Variants in TRANK1 observed in about 807,000 individuals in gnomAD.
The protein encoded by TRANK1 is TPR and ankyrin repeat-containing protein 1.
A neutral mutation model predicts 266.0 loss-of-function variants in TRANK1; 198 were observed. The ratio of observed to expected loss-of-function variants is 0.74; its 90% CI spans 0.66 to 0.84. The LOEUF is 0.84. Among genes scored for constraint, TRANK1 ranks in the 40% least tolerant of loss-of-function variants. The pLI is 0.00. For synonymous variants in TRANK1, 1,396 were observed against 1,384.1 expected (o/e 1.01, Z -0.19); for missense variants, 3,326 against 3,634.6 (o/e 0.92, Z 2.18).
chr3:36,889,689 C>T (rs1227530922), intron 8 of TRANK1, 140 bp downstream of exon 8: 8 of 1,188,244 alleles, frequency 6.7e-6, no homozygotes, highest in South Asian at 3.8e-5. Context: ...CCACCAAAAT[C>T]AAGTTTAGTT....
chr3:36,924,636 A>C (rs1194817643), intron 1 of TRANK1, among the ~76,000 whole-genome samples: 2 of 152,230 alleles, frequency 1.3e-5, no homozygotes, highest in East Asian at 3.8e-4. Context: ...AGAAAGACGC[A>C]GAGACAAAAA....
intron 9 of TRANK1, 22 bp downstream of exon 9, chr3:36,874,104 G>T (rs1203840055): frequency 2.6e-6 from 4 of 1,528,074 alleles, no homozygotes; most frequent in East Asian, 2.4e-5. Context: ...CCCCCCAAAA[G>T]TTAATACACT....
chr3:36,874,267 G>A lies in TRANK1; in HGVS notation c.937C>T (p.Arg313Cys), dbSNP rs577486907. 66 of 1,537,092 alleles carry A rather than the reference G, an allele frequency of 4.3e-5. 1 individual carries two copies. The Admixed American group carries it at 7.3e-4, about 17-fold the overall frequency. The change falls in exon 9 of 24, where the codon CGC becomes TGC. Residue 313 changes from arginine to cysteine, a missense_variant. Arg to Cys is a radical substitution (Grantham distance 180). Transcript: ENST00000645898. ...RQTEDVQMLLRFGADPTLLDR... is the reference protein window; with the variant it reads ...RQTEDVQMLLCFGADPTLLDR... ...AGCAAAGTGGGATCTGCCCCAAAGC[G>A]CAGGAGCATCTGCACATCCTCTGTT...
chr3:36,831,661 T>C lies in TRANK1; in HGVS notation c.7922A>G (p.Glu2641Gly). 1.2e-6 allele frequency: 2 copies of C among 1,613,934 alleles called. No homozygotes were observed. The highest frequency in any genetic ancestry group is 1.7e-5 in the Admixed American group (1 of 60,022). ...LQDLLFERDE[E>G]YLMDCDWRWD... is the part of the protein sequence containing the mutation. ...CCGCCAGTCACAGTCCATTAGGTAC[T>C]CTTCATCCCGCTCAAAGAGCAGGTC... is the stretch of plus-strand genomic sequence containing the variant. The change falls in exon 22 of 24, where the codon GAG (glutamate) becomes GGG (glycine). Residue 2641 changes from glutamate to glycine, a missense_variant. Physicochemically the swap from Glu to Gly is moderately conservative, Grantham distance 98 (BLOSUM62 -2). Coordinates refer to ENST00000645898, the MANE Select transcript of TRANK1 (RefSeq NM_001329998.2). The surrounding 1 kb of genome is among the most constrained non-coding windows in gnomAD (Gnocchi z 5.0).
At position 36,846,167 on chromosome 3, in the gene TRANK1, C is replaced by T. The variant is rs2078911226; in HGVS notation, c.5191+81G>A. The stretch of plus-strand genomic sequence containing the variant: ...GAAAGAAAGCACTTTCAAAATACCA[C>T]ACCTTTTATTCCTGACCATAAGAAC... On this transcript the variant is annotated intron_variant, in intron 17 of 23. Transcript: ENST00000645898. 3 of 1,337,838 alleles carry T rather than the reference C, an allele frequency of 2.2e-6. No individual in the cohort carries two copies. The African/African-American group carries it at 4.5e-5, about 20-fold the overall frequency. 82.9% of individuals were successfully genotyped at this position (1,337,838 alleles called of 1,614,324 possible).
chr3:36,880,976 T>A (rs561461019), intron 8 of TRANK1, among the ~76,000 whole-genome samples: 1 of 147,736 alleles, frequency 6.8e-6, no homozygotes, highest in African/African-American at 2.5e-5. Context: ...GAGCCACTAT[T>A]CACTGCCTCT....
At chr3:36,935,603 A>C (rs2080415323) in intron 1 of TRANK1, among the ~76,000 whole-genome samples, 1 of 151,616 alleles carries the variant, frequency 6.6e-6, no homozygotes, top group African/African-American at 2.4e-5. Flanking sequence ...GGCACATGTC[A>C]CCACACTCAG....
Position 36,855,674 on chromosome 3 carries a change from T to C in TRANK1, c.4048A>G (p.Ile1350Val), listed in dbSNP as rs775801526. Residue 1350 changes from isoleucine to valine, a missense_variant, in exon 13 of 24, where the codon ATA becomes GTA. Coordinates refer to ENST00000645898, the MANE Select transcript of TRANK1 (RefSeq NM_001329998.2). The part of the protein sequence containing the change: ...AYNPALIWKE[I>V]KSFLKGSFEA... ...AAAGAACCCTTTAGAAAAGATTTTA[T>C]TTCTTTCCAAATCAGTGCAGGGTTG... The C allele has an allele frequency of 6.2e-7, 1 of 1,613,876 alleles. No individual in the cohort carries two copies. Among genetic ancestry groups the C allele is most frequent in the Non-Finnish European group, 8.5e-7 (1 of 1,179,872 alleles).
At chr3:36,936,679 G>T (rs951775464) in intron 1 of TRANK1, among the ~76,000 whole-genome samples, 3 of 152,182 alleles carry the variant, frequency 2.0e-5, no homozygotes, top group African/African-American at 4.8e-5. Context: ...CATTCTCGAG[G>T]AAGGATGAGC....
At chr3:36,843,962 A>T (rs2078882245) in intron 17 of TRANK1, among the ~76,000 whole-genome samples, 1 of 152,162 alleles carries the variant, frequency 6.6e-6, no homozygotes, top group Non-Finnish European at 1.5e-5. Flanking sequence ...ATTATCTCAA[A>T]ATAGGGCCAG....
intron 2 of TRANK1, among the ~76,000 whole-genome samples, chr3:36,905,726 C>G (rs1311387359): frequency 6.6e-6 from 1 of 152,220 alleles, no homozygotes; most frequent in African/African-American, 2.4e-5. Context: ...ATGGAACCAG[C>G]TCTGCAGTAT....
intron 1 of TRANK1, among the ~76,000 whole-genome samples, chr3:36,922,021 C>G (rs1445048076): frequency 6.6e-6 from 1 of 152,146 alleles, no homozygotes; most frequent in Non-Finnish European, 1.5e-5. Context: ...GTGGCATGCA[C>G]CTGTAGTTCC....
intron 4 of TRANK1, among the ~76,000 whole-genome samples, chr3:36,898,195 GTA>G (rs1357586345): frequency 1.3e-5 from 2 of 152,250 alleles, no homozygotes; most frequent in African/African-American, 4.8e-5. Context: ...GCTTACGCCT[GTA>G]ATCTCAGCAC....
chr3:36,869,073 A>C (rs1319785236), intron 9 of TRANK1, among the ~76,000 whole-genome samples: 1 of 152,236 alleles, frequency 6.6e-6, no homozygotes, highest in Non-Finnish European at 1.5e-5. Flanking sequence ...TGAAAACTGG[A>C]TAAAGACCAT....
intron 8 of TRANK1, among the ~76,000 whole-genome samples, chr3:36,878,850 T>C (rs1436795478): frequency 6.6e-6 from 1 of 152,132 alleles, no homozygotes; most frequent in Non-Finnish European, 1.5e-5. Flanking sequence ...ACTGTCTTGT[T>C]TAATTAAAAC....
chr3:36,865,184 C>T (rs764566855), intron 9 of TRANK1, among the ~76,000 whole-genome samples: 12 of 152,020 alleles, frequency 7.9e-5, no homozygotes, highest in East Asian at 3.9e-4. Context: ...CTTGCCACCG[C>T]GCCTGGCTAA....
In TRANK1 at chr3:36,846,276, G is replaced by A; in HGVS notation, c.5163C>T (p.Val1721=). Residue 1721 remains valine (V), a synonymous_variant, in exon 17 of 24, where the codon GTC becomes GTT. Transcript: ENST00000645898. ...AFKYFIRRDF[V]QVVKTDENKD... ...TATTTTCATCTGTCTTTACAACTTG[G>A]ACAAAATCTCTTCTAATGAAATATT... is the stretch of plus-strand genomic sequence containing the variant. The A allele has an allele frequency of 6.2e-7, 1 of 1,605,072 alleles. No individual in the cohort carries two copies.
chr3:36,932,301 T>C (rs985610253), intron 1 of TRANK1, among the ~76,000 whole-genome samples: 1 of 152,226 alleles, frequency 6.6e-6, no homozygotes, highest in Non-Finnish European at 1.5e-5. Flanking sequence ...CAGAGTGCAG[T>C]GGCTCACGCC....
At chr3:36,837,183 A>T (rs1283135928) in intron 20 of TRANK1, among the ~76,000 whole-genome samples, 1 of 152,200 alleles carries the variant, frequency 6.6e-6, no homozygotes, top group Non-Finnish European at 1.5e-5. Context: ...AGAAATGTTT[A>T]TGCAGGTGCC....
Sources: gnomAD v4.1 joint callset for allele counts (sites outside exome capture counted in the v4.1 genomes callset) on GRCh38, gnomAD v4.1.1 for gene constraint, Gnocchi (gnomAD v3.1) non-coding constraint, MANE v1.5 for transcripts, NCBI Gene and HGNC (gene_info 2026-07-23, HGNC 2026-07-21) for gene names.